C13orf42: variants seen among roughly 807,000 people sequenced by gnomAD.
C13orf42 encodes the protein chromosome 13 open reading frame 42.
At chr13:51,093,882 C>T (rs947199888) in intron 1 of C13orf42, among the ~76,000 whole-genome samples, 4 of 152,180 alleles carry the variant, frequency 2.6e-5, no homozygotes, top group African/African-American at 4.8e-5. Context: ...TGGCAGAATA[C>T]TTGCTCTTTT....
At chr13:51,140,304 C>T (rs147016559) in intron 1 of C13orf42, among the ~76,000 whole-genome samples, 1 of 152,294 alleles carries the variant, frequency 6.6e-6, no homozygotes, top group East Asian at 1.9e-4. Flanking sequence ...CTCATGTCTC[C>T]CTCAATGTAT....
chr13:51,089,202 T>C (rs563587360), intron 1 of C13orf42, among the ~76,000 whole-genome samples: 3 of 152,236 alleles, frequency 2.0e-5, no homozygotes, highest in Non-Finnish European at 4.4e-5. Flanking sequence ...GTGTACAAGA[T>C]GTTTATTAAG....
At chr13:51,162,101 G>T in intron 1 of C13orf42, 1 of 330,072 alleles carries the variant, frequency 3.0e-6, no homozygotes, top group Non-Finnish European at 6.0e-6. Flanking sequence ...AAGTTCGTGT[G>T]CATAAGCTGC....
intron 1 of C13orf42, among the ~76,000 whole-genome samples, chr13:51,120,763 C>T (rs746156378): frequency 6.6e-6 from 1 of 152,166 alleles, no homozygotes. Context: ...CCTGTAATCC[C>T]AGCACTTTGG....
chr13:51,095,262 T>C (rs543834151), intron 1 of C13orf42, among the ~76,000 whole-genome samples: 1 of 152,166 alleles, frequency 6.6e-6, no homozygotes, highest in Non-Finnish European at 1.5e-5. Context: ...TTTCTCTTTG[T>C]CCTTTTAGCA....
chr13:51,101,484 G>T (rs2137991117), intron 1 of C13orf42, among the ~76,000 whole-genome samples: 1 of 152,090 alleles, frequency 6.6e-6, no homozygotes, highest in Non-Finnish European at 1.5e-5. Flanking sequence ...GATTCCACAT[G>T]AATATACGCA....
chr13:51,169,985 A>C (rs954732439), intron 1 of C13orf42, among the ~76,000 whole-genome samples: 3 of 152,122 alleles, frequency 2.0e-5, no homozygotes, highest in Admixed American at 2.0e-4. Context: ...GCCCCACCTT[A>C]ACTGATGACA....
At chr13:51,101,633 G>A (rs941579634) in intron 1 of C13orf42, among the ~76,000 whole-genome samples, 5 of 152,156 alleles carry the variant, frequency 3.3e-5, no homozygotes, top group South Asian at 2.1e-4. Flanking sequence ...GGTTTACTGA[G>A]CATCTACCAT....
At chr13:51,116,409 G>A (rs1418261290) in intron 1 of C13orf42, among the ~76,000 whole-genome samples, 1 of 152,208 alleles carries the variant, frequency 6.6e-6, no homozygotes, top group Non-Finnish European at 1.5e-5. Context: ...AATTCTACAA[G>A]GTGCCTGTTA....
intron 1 of C13orf42, among the ~76,000 whole-genome samples, chr13:51,162,879 T>C (rs73194160): frequency 6.6e-6 from 1 of 152,010 alleles, no homozygotes; most frequent in African/African-American, 2.4e-5. Context: ...CTTTAATATT[T>C]TGCTTCCCTA....
intron 1 of C13orf42, among the ~76,000 whole-genome samples, chr13:51,140,360 C>G (rs1264893082): frequency 6.6e-6 from 1 of 152,174 alleles, no homozygotes; most frequent in African/African-American, 2.4e-5. Flanking sequence ...GTCGTCAGGA[C>G]TTCCTGAGGC....
chr13:51,116,898 A>T lies in C13orf42; in HGVS notation n.137-3676T>A, dbSNP rs532198865. Among the ~76,000 whole-genome samples, 205 of 152,348 alleles carry T rather than the reference A, an allele frequency of 1.3e-3. 2 individuals carry two copies. The highest frequency in any genetic ancestry group is 4.6e-3 in the African/African-American group (192 of 41,580). On this transcript the variant is annotated intron_variant and non_coding_transcript_variant, in intron 1 of 4. Coordinates refer to the C13orf42 transcript ENST00000433280. ...CTCCAGTGAGGTGGCCGGAATACTT[A>T]AATGGATGCTCAGGGCATCCAACAG...
chr13:51,159,058 A>G (rs78189447), intron 1 of C13orf42, among the ~76,000 whole-genome samples: 66 of 152,306 alleles, frequency 4.3e-4, no homozygotes, highest in African/African-American at 1.5e-3. Flanking sequence ...ATTAGATGCC[A>G]GAATGAATCC....
At chr13:51,096,217 G>A (rs925557945) in intron 1 of C13orf42, among the ~76,000 whole-genome samples, 7 of 152,216 alleles carry the variant, frequency 4.6e-5, no homozygotes, top group African/African-American at 1.7e-4. Flanking sequence ...CCTAAAGAGA[G>A]GGTTTCCCTC....
chr13:51,088,748 T>A (rs1953154642), intron 1 of C13orf42, among the ~76,000 whole-genome samples: 1 of 152,188 alleles, frequency 6.6e-6, no homozygotes, highest in African/African-American at 2.4e-5. Context: ...GGAACCAAAT[T>A]TACACTCAAA....
At chr13:51,088,381 C>A (rs1474950544) in intron 1 of C13orf42, among the ~76,000 whole-genome samples, 2 of 152,180 alleles carry the variant, frequency 1.3e-5, no homozygotes, top group Admixed American at 6.5e-5. Flanking sequence ...AGCCTTGTTC[C>A]TTGCTGATAA....
In C13orf42 at chr13:51,152,963, T is replaced by A. The variant is rs548804128; in HGVS notation, n.136+19290A>T. Among the ~76,000 whole-genome samples the A allele has an allele frequency of 8.5e-5, 13 of 152,260 alleles. No individual in the cohort carries two copies. In the South Asian group the frequency reaches 2.5e-3, roughly 29 times the overall value. On this transcript the variant is annotated intron_variant and non_coding_transcript_variant, in intron 1 of 4. Coordinates refer to the C13orf42 transcript ENST00000433280. Reference sequence around the variant, plus strand: ...CTGGGGACACCTGCTGCGGGGTTGATGTTTTGTTATGTTTCTGCAGCACAA... The same window carrying A: ...CTGGGGACACCTGCTGCGGGGTTGAAGTTTTGTTATGTTTCTGCAGCACAA...
chr13:51,150,981 C>T (rs1953773813), intron 1 of C13orf42, among the ~76,000 whole-genome samples: 1 of 152,308 alleles, frequency 6.6e-6, no homozygotes, highest in South Asian at 2.1e-4. Context: ...GTAGAATCTT[C>T]AACTCTTCAG....
rs117006643 is a variant in C13orf42, at chr13:51,106,489, C to T, written c.414+4307G>A. On this transcript the variant is annotated intron_variant, in intron 1 of 3. Coordinates refer to ENST00000563710, the MANE Select transcript of C13orf42 (RefSeq NM_001351589.3). ...ATTGACAAGGGTGTGAGTTCTGGCA[C>T]GATACAGATTGGGATCAAATCCTGG... Among the ~76,000 whole-genome samples the T allele has an allele frequency of 6.6e-4, 101 of 152,256 alleles. No individual in the cohort carries two copies. The East Asian group carries it at 0.012, about 18-fold the overall frequency.
Sources: gnomAD v4.1 joint callset for allele counts (sites outside exome capture counted in the v4.1 genomes callset) on GRCh38, gnomAD v4.1.1 for gene constraint, MANE v1.5 for transcripts, NCBI Gene and HGNC (gene_info 2026-07-23, HGNC 2026-07-21) for gene names.